Variants in MUCL3 observed in about 807,000 individuals in gnomAD.
MUCL3 encodes mucin like 3.
In MUCL3, 42 loss-of-function variants were observed where a neutral mutation model predicts 70.2. The observed-to-expected ratio is 0.60, with a 90% CI of 0.47 to 0.77. The LOEUF (loss-of-function observed/expected upper bound fraction) is 0.77. Ranked by LOEUF, MUCL3 falls within the 30% of genes least tolerant of loss-of-function variation. The pLI is 0.00. For missense variants in MUCL3, 1,429 were observed against 1,670.0 expected (o/e 0.86, Z 2.52); for synonymous variants, 522 against 647.0 (o/e 0.81, Z 2.93).
At chr6:30,947,228 G>T (rs1419499171) in intron 1 of MUCL3, among the ~76,000 whole-genome samples, 1 of 152,196 alleles carries the variant, frequency 6.6e-6, no homozygotes, top group Non-Finnish European at 1.5e-5. Context: ...CAGGTAATGG[G>T]ATTGGGACAG....
At position 30,949,632 on chromosome 6, in the gene MUCL3, G is replaced by A. The variant is rs765335568; in HGVS notation, c.1168G>A (p.Glu390Lys). 1.3e-4 allele frequency: 203 copies of A among 1,537,832 alleles called. 1 individual carries two copies. In the African/African-American group the frequency reaches 2.6e-3, roughly 20 times the overall value. ...AGAACATGGAGAAAGGACAGCCAAT[G>A]AGAACACTACACCATCCCCAGCAGA... ...PTEHGERTAN[E>K]NTTPSPAEPT... The change falls in exon 2 of 3, where the codon GAG becomes AAG. Residue 390 changes from glutamate to lysine, a missense_variant. Coordinates refer to ENST00000462446, the MANE Select transcript of MUCL3 (RefSeq NM_080870.4).
rs1313681731 is a variant in MUCL3, at chr6:30,953,136, G to GC, written c.*22dup. 3.7e-6 allele frequency: 6 copies of GC among 1,612,734 alleles called. No homozygotes were observed. The African/African-American group carries it at 6.7e-5, about 18-fold the overall frequency. On this transcript the variant is annotated 3_prime_UTR_variant, in exon 3 of 3. Coordinates refer to ENST00000462446, the MANE Select transcript of MUCL3 (RefSeq NM_080870.4). ...ACGGTGATCTTGGAGTAGGCGCCCA[G>GC]CCCTGGCTCTTCCATGCTCTGCCCC... is the stretch of plus-strand genomic sequence containing the variant.
intron 1 of MUCL3, among the ~76,000 whole-genome samples, chr6:30,948,021 G>A (rs563675000): frequency 6.6e-6 from 1 of 152,068 alleles, no homozygotes; most frequent in Non-Finnish European, 1.5e-5. Context: ...AGAGTCTAAC[G>A]TTTACTCCTG....
chr6:30,950,912 A>G lies in MUCL3; in HGVS notation c.2448A>G (p.Thr816=), dbSNP rs1279592279. The G allele has an allele frequency of 1.9e-6, 3 of 1,550,818 alleles. No individual in the cohort carries two copies. The East Asian group carries it at 7.4e-5, about 38-fold the overall frequency. Residue 816 remains threonine, a synonymous_variant, in exon 2 of 3, where the codon ACA becomes ACG. Coordinates refer to ENST00000462446, the MANE Select transcript of MUCL3 (RefSeq NM_080870.4). The part of the protein sequence containing the change: ...ERTPLANENT[T]SSPAEPTENR... Reference sequence around the variant, plus strand: ...CTCCACTGGCCAATGAGAACACCACATCATCCCCAGCAGAGCCTACAGAAA... The same window carrying G: ...CTCCACTGGCCAATGAGAACACCACGTCATCCCCAGCAGAGCCTACAGAAA...
In MUCL3 at chr6:30,951,436, A is replaced by G. The variant is rs755954647; in HGVS notation, c.2972A>G (p.Asn991Ser). 3.2e-5 allele frequency: 50 copies of G among 1,551,524 alleles called. No homozygotes were observed. In the South Asian group the frequency reaches 5.6e-4, roughly 17 times the overall value. ...AATGGAGAAAGGACCCCACTGGCCA[A>G]TGAGAACACCACAACATCCCCAACA... ...TENGERTPLANENTTTSPTES... is the reference protein window; with the variant it reads ...TENGERTPLASENTTTSPTES... Residue 991 changes from asparagine (N) to serine (S), a missense_variant, in exon 2 of 3, where the codon AAT (asparagine) becomes AGT (serine). Coordinates refer to ENST00000462446, the MANE Select transcript of MUCL3 (RefSeq NM_080870.4).
intron 1 of MUCL3, 137 bp downstream of exon 1, chr6:30,941,218 C>A: frequency 9.2e-7 from 1 of 1,088,986 alleles, no homozygotes; most frequent in South Asian, 1.5e-5. Context: ...GTTCTCTGCT[C>A]AAGTTTGCTG....
rs1582257782 is a variant in MUCL3 at position 30,949,454 on chromosome 6, A to G, written c.990A>G (p.Thr330=). Residue 330 remains threonine, a synonymous_variant, in exon 2 of 3, where the codon ACA becomes ACG. Transcript: ENST00000462446. ...PAEPIENRER[T]ANENTAPFPA... is the part of the protein sequence containing the mutation. ...AGCCTATAGAAAATAGAGAAAGGAC[A>G]GCCAATGAGAACACCGCACCATTCC... The G allele has an allele frequency of 6.6e-7, 1 of 1,510,416 alleles. No individual in the cohort carries two copies. The highest frequency in any genetic ancestry group is 1.4e-5 in the African/African-American group (1 of 70,968). The allele number at this position is 1,510,416 out of a possible 1,614,324, so 93.6% of individuals were successfully genotyped here. A position where few individuals can be genotyped will look rare whatever the true frequency, so the allele number is the denominator to read the frequency against.
chr6:30,950,840 G>T lies in MUCL3; in HGVS notation c.2376G>T (p.Glu792Asp), dbSNP rs1760632709. The T allele has an allele frequency of 1.9e-6, 3 of 1,548,904 alleles. No homozygotes were observed. Among genetic ancestry groups the T allele is most frequent in the Admixed American group, 4.0e-5 (2 of 50,630 alleles). The change falls in exon 2 of 3, where the codon GAG (glutamate) becomes GAT (aspartate). Residue 792 changes from glutamate (E) to aspartate (D), a missense_variant. Transcript: ENST00000462446. ...ENGKRTPFAN[E>D]KTTSSSAEPT... ...GAAAAAGGACCCCATTTGCCAATGA[G>T]AAGACCACATCATCCTCAGCAGAGC...
In MUCL3 at chr6:30,950,881, A is replaced by C. The variant is rs1181399664; in HGVS notation, c.2417A>C (p.Glu806Ala). The C allele has an allele frequency of 1.3e-6, 2 of 1,551,206 alleles. No individual in the cohort carries two copies. The highest frequency in any genetic ancestry group is 1.7e-6 in the Non-Finnish European group (2 of 1,146,936). Residue 806 changes from glutamate to alanine, a missense_variant, in exon 2 of 3, where the codon GAA becomes GCA. Glu to Ala is a moderately radical substitution (Grantham distance 107, BLOSUM62 -1). Coordinates refer to ENST00000462446, the MANE Select transcript of MUCL3 (RefSeq NM_080870.4). ...TCAGCAGAGCCTACAGAACACGCAGAAAGGACTCCACTGGCCAATGAGAAC... is the reference window on the plus strand; with the variant it reads ...TCAGCAGAGCCTACAGAACACGCAGCAAGGACTCCACTGGCCAATGAGAAC... ...SSSAEPTEHAERTPLANENTT... is the reference protein window; with the variant it reads ...SSSAEPTEHAARTPLANENTT...
rs143078045 is a variant in MUCL3 at position 30,943,050 on chromosome 6, C to CA, written c.82+1970dup. ...GGTCGGGTGGAACTGGAGTGTGAAT[C>CA]AGAGCTGGTGCATGGCTGTGCCCAG... On this transcript the variant is annotated intron_variant, in intron 1 of 2. Transcript: ENST00000462446. Among the ~76,000 whole-genome samples the CA allele has an allele frequency of 2.5e-3, 380 of 152,196 alleles. 4 individuals are homozygous for CA. The South Asian group carries it at 0.033, about 13-fold the overall frequency.
rs1422119892 is a variant in MUCL3 at position 30,950,534 on chromosome 6, T to A, written c.2070T>A (p.Asn690Lys). The A allele has an allele frequency of 6.5e-7, 1 of 1,542,406 alleles. No homozygotes were observed. The highest frequency in any genetic ancestry group is 2.5e-5 in the East Asian group (1 of 40,466). Residue 690 changes from asparagine to lysine, a missense_variant, in exon 2 of 3, where the codon AAT becomes AAA. Physicochemically the swap from Asn to Lys is moderately conservative, Grantham distance 94. Coordinates refer to ENST00000462446, the MANE Select transcript of MUCL3 (RefSeq NM_080870.4). ...TENGQRTPFA[N>K]EKTTSSSAEP... ...ATGGACAAAGGACCCCATTTGCCAA[T>A]GAGAAAACCACATCATCCTCAGCAG...
rs1385185038 is a variant in MUCL3, at chr6:30,950,545, C to T, written c.2081C>T (p.Thr694Ile). 1.4e-5 allele frequency: 22 copies of T among 1,550,094 alleles called. No individual in the cohort carries two copies. In the East Asian group the frequency reaches 4.2e-4, roughly 29 times the overall value. ...ACCCCATTTGCCAATGAGAAAACCA[C>T]ATCATCCTCAGCAGAGCCTACAGAA... is the stretch of plus-strand genomic sequence containing the variant. ...QRTPFANEKT[T>I]SSSAEPTEHG... Residue 694 changes from threonine (T) to isoleucine (I), a missense_variant, in exon 2 of 3, where the codon ACA becomes ATA. Coordinates refer to ENST00000462446, the MANE Select transcript of MUCL3 (RefSeq NM_080870.4).
At position 30,942,309 on chromosome 6, in the gene MUCL3, G is replaced by A. The variant is rs537877889; in HGVS notation, c.82+1228G>A. ...CAAGAAACGGACTGCTACTGAACCC[G>A]GGGAGCAGAGATGCTGAACACAGGG... On this transcript the variant is annotated intron_variant, in intron 1 of 2. Transcript: ENST00000462446. 1.1e-4 allele frequency among the ~76,000 whole-genome samples: 16 copies of A among 152,160 alleles called. No homozygotes were observed. In the South Asian group the frequency reaches 2.7e-3, roughly 26 times the overall value.
chr6:30,944,982 T>A (rs1795725906), intron 1 of MUCL3, among the ~76,000 whole-genome samples: 2 of 152,228 alleles, frequency 1.3e-5, no homozygotes, highest in Non-Finnish European at 2.9e-5. Context: ...TTGATGCAGA[T>A]CTAAAATTCT....
chr6:30,941,140 C>T (rs889784799), intron 1 of MUCL3, 59 bp downstream of exon 1: 89 of 1,528,132 alleles, frequency 5.8e-5, no homozygotes, highest in Non-Finnish European at 7.1e-5. Context: ...GTGTTCATAG[C>T]GTTGGACAAC....
Position 30,952,458 on chromosome 6 carries a change from G to T in MUCL3, c.3994G>T (p.Ala1332Ser), listed in dbSNP as rs1391434480. 1 of 1,610,844 alleles carries T rather than the reference G, an allele frequency of 6.2e-7. No homozygotes were observed. The stretch of plus-strand genomic sequence containing the variant: ...GGCCATAGTTATTGTGGTCCTGGTG[G>T]CTGTGATTCTCCTCCTGGTGTTCCT... The part of the protein sequence containing the change: ...AWAIVIVVLV[A>S]VILLLVFLGL... The change falls in exon 2 of 3, where the codon GCT becomes TCT. Residue 1332 changes from alanine (A) to serine (S), a missense_variant. Ala to Ser is a moderately conservative substitution (Grantham distance 99, BLOSUM62 1). Coordinates refer to ENST00000462446, the MANE Select transcript of MUCL3 (RefSeq NM_080870.4).
chr6:30,950,505 G>A lies in MUCL3; in HGVS notation c.2041G>A (p.Glu681Lys). 3 of 1,549,724 alleles carry A rather than the reference G, an allele frequency of 1.9e-6. No homozygotes were observed. Among genetic ancestry groups the A allele is most frequent in the South Asian group, 1.2e-5 (1 of 83,946 alleles). The stretch of plus-strand genomic sequence containing the variant: ...CACATCATCCCCAGCAGAGCCTACA[G>A]AAAATGGACAAAGGACCCCATTTGC... ...KTTSSPAEPT[E>K]NGQRTPFANE... The change falls in exon 2 of 3, where the codon GAA becomes AAA. Residue 681 changes from glutamate (E) to lysine (K), a missense_variant. Glu to Lys is a moderately conservative substitution (Grantham distance 56). Coordinates refer to ENST00000462446, the MANE Select transcript of MUCL3 (RefSeq NM_080870.4).
At position 30,949,587 on chromosome 6, in the gene MUCL3, C is replaced by A; in HGVS notation, c.1123C>A (p.Pro375Thr). The change falls in exon 2 of 3, where the codon CCA becomes ACA. Residue 375 changes from proline to threonine, a missense_variant. Physicochemically the swap from Pro to Thr is conservative, Grantham distance 38 (BLOSUM62 -1). Transcript: ENST00000462446. ...GERTANENTT[P>T]SPAEPTEHGE... ...AAGGACAGCCAATGAGAACACCACA[C>A]CATCCCCAGCAGAGCCTACAGAACA... The A allele has an allele frequency of 6.5e-7, 1 of 1,540,910 alleles. No homozygotes were observed. Among genetic ancestry groups the A allele is most frequent in the Admixed American group, 2.0e-5 (1 of 50,348 alleles).
Position 30,941,070 on chromosome 6 carries a change from C to T in MUCL3, c.71C>T (p.Ser24Phe). Residue 24 changes from serine (S) to phenylalanine (F), a missense_variant, in exon 1 of 3, where the codon TCT (serine) becomes TTT (phenylalanine). Physicochemically the swap from Ser to Phe is radical, Grantham distance 155 (BLOSUM62 -2). Transcript: ENST00000462446. ...LQCCLLFLLA[S>F]WGAGATTFQE... ...TGCTGCCTCCTCTTCCTTCTAGCTT[C>T]TTGGGGGGCAGGTAAGATGCCCACA... 2 of 1,550,522 alleles carry T rather than the reference C, an allele frequency of 1.3e-6. No homozygotes were observed. The highest frequency in any genetic ancestry group is 2.4e-5 in the East Asian group (1 of 40,926).
Sources: allele counts gnomAD v4.1 joint callset (sites outside exome capture counted in the v4.1 genomes callset), GRCh38; gene constraint gnomAD v4.1.1; transcripts MANE v1.5; gene names NCBI Gene and HGNC (gene_info 2026-07-23, HGNC 2026-07-21).